Variants in EFHC2 observed in about 807,000 individuals in gnomAD.
The protein encoded by EFHC2 is EF-hand domain-containing family member C2.
In EFHC2, 18 loss-of-function variants were observed where a neutral mutation model predicts 52.7. That is an observed-to-expected ratio of 0.34 (90% CI 0.24 to 0.51). The LOEUF is 0.51. EFHC2 is among the 20% of genes least tolerant of loss of function. The pLI, the probability that EFHC2 is intolerant of heterozygous loss-of-function variation, is 0.97. For synonymous variants in EFHC2, 203 were observed against 204.1 expected (o/e 0.99, Z 0.04); for missense variants, 513 against 562.5 (o/e 0.91, Z 0.89).
chrX:44,212,042 G>A (rs1168420638), intron 11 of EFHC2, among the ~76,000 whole-genome samples: 1 of 109,057 alleles, frequency 9.2e-6, no homozygotes, highest in Admixed American at 9.9e-5. Flanking sequence ...TACTGAGGTA[G>A]AAAACTCTGG....
At chrX:44,334,158 C>T (rs1234965669) in intron 1 of EFHC2, among the ~76,000 whole-genome samples, 1 of 111,819 alleles carries the variant, frequency 8.9e-6, no homozygotes, top group Non-Finnish European at 1.9e-5. Flanking sequence ...GACAGAGCTA[C>T]GAAGTTCAGT....
chrX:44,286,811 C>T (rs1355354308), intron 2 of EFHC2, among the ~76,000 whole-genome samples: 9 of 92,214 alleles, frequency 9.8e-5, no homozygotes, highest in East Asian at 3.6e-4. Flanking sequence ...CCCAGGAATT[C>T]AAGACCAGCC....
At chrX:44,219,738 CAT>C (rs2037179647) in intron 11 of EFHC2, among the ~76,000 whole-genome samples, 1 of 111,741 alleles carries the variant, frequency 8.9e-6, no homozygotes, top group Non-Finnish European at 1.9e-5. Flanking sequence ...ATTGCAGAAA[CAT>C]AAAATATTGT....
intron 2 of EFHC2, among the ~76,000 whole-genome samples, chrX:44,305,261 CA>C (rs757357157): frequency 9.3e-6 from 1 of 107,244 alleles, no homozygotes; most frequent in Non-Finnish European, 1.9e-5. Context: ...GATTCCGCCT[CA>C]AAAAAAAATA....
intron 13 of EFHC2, among the ~76,000 whole-genome samples, chrX:44,168,781 C>T (rs755272853): frequency 9.0e-6 from 1 of 110,516 alleles, no homozygotes; most frequent in South Asian, 3.9e-4. Flanking sequence ...CACAACCTCC[C>T]TCCTATCTTT....
intron 4 of EFHC2, among the ~76,000 whole-genome samples, chrX:44,260,788 A>C (rs1385209183): frequency 8.9e-6 from 1 of 112,196 alleles, no homozygotes; most frequent in Non-Finnish European, 1.9e-5. Flanking sequence ...CCACAAAGTC[A>C]ATTGTGGGTG....
chrX:44,296,153 G>C (rs1228494516), intron 2 of EFHC2, among the ~76,000 whole-genome samples: 1 of 111,496 alleles, frequency 9.0e-6, no homozygotes, highest in Non-Finnish European at 1.9e-5. Context: ...AATCCTTAGA[G>C]GATGGAGGTG....
chrX:44,183,479 T>C (rs980212259), intron 11 of EFHC2, among the ~76,000 whole-genome samples: 2 of 111,947 alleles, frequency 1.8e-5, no homozygotes, highest in Admixed American at 9.5e-5. Context: ...AGCTAGAGTA[T>C]TGCCAGACAG....
chrX:44,280,386 A>T (rs2037693302), intron 2 of EFHC2, among the ~76,000 whole-genome samples: 1 of 111,975 alleles, frequency 8.9e-6, no homozygotes, highest in Non-Finnish European at 1.9e-5. Context: ...TAGTTCCTTA[A>T]CAAGATTACA....
chrX:44,243,190 C>T (rs1021076835), intron 7 of EFHC2, among the ~76,000 whole-genome samples: 3 of 111,210 alleles, frequency 2.7e-5, no homozygotes, highest in Non-Finnish European at 5.7e-5. Context: ...ACATATTGAC[C>T]TGGTCTATCC....
intron 11 of EFHC2, among the ~76,000 whole-genome samples, chrX:44,181,489 T>G (rs1396713665): frequency 2.7e-5 from 3 of 112,044 alleles, no homozygotes; most frequent in Admixed American, 9.5e-5. Context: ...TTCACTAAAC[T>G]TATTATAGCA....
chrX:44,283,485 C>T (rs1253042946), intron 2 of EFHC2, among the ~76,000 whole-genome samples: 1 of 110,279 alleles, frequency 9.1e-6, no homozygotes, highest in East Asian at 2.9e-4. Flanking sequence ...CACGGCCGAT[C>T]GGAAGCACTT....
intron 11 of EFHC2, among the ~76,000 whole-genome samples, chrX:44,221,598 A>C (rs147081275): frequency 9.8e-4 from 109 of 111,729 alleles, no homozygotes; most frequent in Non-Finnish European, 1.8e-3. Context: ...TCAACCCCTT[A>C]TTCTTCTTGA....
chrX:44,342,101 G>C (rs1259879172), intron 1 of EFHC2, among the ~76,000 whole-genome samples: 1 of 112,317 alleles, frequency 8.9e-6, no homozygotes, highest in African/African-American at 3.2e-5. Flanking sequence ...TTGTTTGCGT[G>C]ACTGGCTTAA....
In EFHC2 at chrX:44,279,863, C is replaced by T. The variant is rs186919362; in HGVS notation, c.232-7027G>A. Among the ~76,000 whole-genome samples the T allele has an allele frequency of 1.5e-3, 165 of 110,567 alleles. 1 individual carries two copies. The highest frequency in any genetic ancestry group is 1.6e-3 in the Non-Finnish European group (84 of 52,938). On this transcript the variant is annotated intron_variant, in intron 2 of 14. Coordinates refer to ENST00000420999, the MANE Select transcript of EFHC2 (RefSeq NM_025184.4). ...TGATGGAAAGCTACAAAGGTGAATT[C>T]CTATGCCTAATAGACGTACCATGAA...
At chrX:44,178,129 TCACACACACACACA>T (rs201977577) in intron 12 of EFHC2, among the ~76,000 whole-genome samples, 2 of 83,952 alleles carry the variant, frequency 2.4e-5, no homozygotes, top group South Asian at 6.2e-4. Flanking sequence ...AGATGCCATA[TCACACACACACACA>T]CACACACACA....
At chrX:44,260,058 C>A (rs1292399699) in intron 4 of EFHC2, among the ~76,000 whole-genome samples, 1 of 111,096 alleles carries the variant, frequency 9.0e-6, no homozygotes, top group Non-Finnish European at 1.9e-5. Context: ...AGTTTTAAAA[C>A]AATAAAAATC....
At chrX:44,246,509 G>A (rs2037402044) in intron 7 of EFHC2, among the ~76,000 whole-genome samples, 1 of 112,113 alleles carries the variant, frequency 8.9e-6, no homozygotes, top group Admixed American at 9.4e-5. Context: ...TAGAGGCACA[G>A]ACTACTTTTT....
chrX:44,306,825 C>A (rs1236723573), intron 2 of EFHC2, among the ~76,000 whole-genome samples: 1 of 111,867 alleles, frequency 8.9e-6, no homozygotes, highest in Non-Finnish European at 1.9e-5. Context: ...TAAGGGCAGA[C>A]TCTTGGGAGA....
Sources: allele counts gnomAD v4.1 joint callset (sites outside exome capture counted in the v4.1 genomes callset), GRCh38; gene constraint gnomAD v4.1.1; transcripts MANE v1.5; gene names NCBI Gene and HGNC (gene_info 2026-07-23, HGNC 2026-07-21).